DTNBP1: variants seen among roughly 807,000 people sequenced by gnomAD.
The protein encoded by DTNBP1 is dystrobrevin binding protein 1.
A neutral mutation model predicts 42.8 loss-of-function variants in DTNBP1; 35 were observed. The ratio of observed to expected loss-of-function variants is 0.82; its 90% CI spans 0.63 to 1.09. The LOEUF (loss-of-function observed/expected upper bound fraction) is 1.09. Ranked by LOEUF, DTNBP1 falls within the 50% of genes least tolerant of loss-of-function variation. The pLI, the probability that DTNBP1 is intolerant of heterozygous loss-of-function variation, is 0.00. For missense variants in DTNBP1, 457 were observed against 424.2 expected (o/e 1.08, Z -0.68); for synonymous variants, 171 against 162.2 (o/e 1.05, Z -0.41).
At chr6:15,526,508 A>C (rs945196090) in intron 8 of DTNBP1, among the ~76,000 whole-genome samples, 1 of 152,136 alleles carries the variant, frequency 6.6e-6, no homozygotes, top group African/African-American at 2.4e-5. Context: ...AGTTGGGGAA[A>C]AGTATTATGG....
chr6:15,574,329 A>T (rs1775472576), intron 7 of DTNBP1, among the ~76,000 whole-genome samples: 1 of 152,214 alleles, frequency 6.6e-6, no homozygotes, highest in Admixed American at 6.5e-5. Flanking sequence ...CAGCAAGAAC[A>T]GTAAACACAA....
At chr6:15,529,091 C>T (rs917943163) in intron 8 of DTNBP1, among the ~76,000 whole-genome samples, 1 of 152,196 alleles carries the variant, frequency 6.6e-6, no homozygotes, top group Non-Finnish European at 1.5e-5. Flanking sequence ...TCGAGACCAG[C>T]CTGGGCCACA....
intron 5 of DTNBP1, among the ~76,000 whole-genome samples, chr6:15,621,330 T>C (rs1415302452): frequency 1.3e-5 from 2 of 152,232 alleles, no homozygotes; most frequent in East Asian, 3.8e-4. Flanking sequence ...TCTAGCTCTG[T>C]TGGTTGACTA....
Position 15,524,519 on chromosome 6 carries a change from A to C in DTNBP1, c.811+7T>G. 1 of 1,607,740 alleles carries C rather than the reference A, an allele frequency of 6.2e-7. No homozygotes were observed. Among genetic ancestry groups the C allele is most frequent in the Non-Finnish European group, 8.5e-7 (1 of 1,175,606 alleles). Reference sequence around the variant, plus strand: ...TGGTTCAGCTAATGCAAGTTTGTCAACCCTACCTAAGGCGGGGGACAGCAC... The same window carrying C: ...TGGTTCAGCTAATGCAAGTTTGTCACCCCTACCTAAGGCGGGGGACAGCAC... On this transcript the variant is annotated splice_region_variant and intron_variant, in intron 9 of 9. Coordinates refer to ENST00000344537, the MANE Select transcript of DTNBP1 (RefSeq NM_032122.5).
At chr6:15,614,991 G>A (rs1758634480) in intron 6 of DTNBP1, 1 of 518,476 alleles carries the variant, frequency 1.9e-6, no homozygotes, top group Non-Finnish European at 3.6e-6. Context: ...AACTAGCTCA[G>A]GGCTCCTATT....
chr6:15,550,777 G>A (rs1040669172), intron 7 of DTNBP1, among the ~76,000 whole-genome samples: 1 of 152,220 alleles, frequency 6.6e-6, no homozygotes, highest in Non-Finnish European at 1.5e-5. Context: ...AGATGGGGAT[G>A]AGAGGCAGAT....
intron 1 of DTNBP1, among the ~76,000 whole-genome samples, chr6:15,656,869 T>C (rs994471113): frequency 1.3e-5 from 2 of 152,238 alleles, no homozygotes; most frequent in African/African-American, 4.8e-5. Context: ...TTCATTTACT[T>C]GTAACTCAAT....
In DTNBP1 at chr6:15,615,396, T is replaced by C. The variant is rs376554858; in HGVS notation, c.359A>G (p.His120Arg). ...TACCTCCTCAAAACTCGCCTCTAAA[T>C]GAGCTGAAAGTATATAAAAATAAAC... ...DLESMTANLT[H>R]LEASFEEVEN... The change falls in exon 6 of 10, where the codon CAT (histidine) becomes CGT (arginine). Residue 120 changes from histidine to arginine, a missense_variant. Physicochemically the swap from His to Arg is conservative, Grantham distance 29. Transcript: ENST00000344537. 6.2e-7 allele frequency: 1 copy of C among 1,613,950 alleles called. No individual in the cohort carries two copies. Among genetic ancestry groups the C allele is most frequent in the African/African-American group, 1.3e-5 (1 of 75,042 alleles).
intron 7 of DTNBP1, among the ~76,000 whole-genome samples, chr6:15,542,279 C>T (rs1201473663): frequency 4.6e-5 from 7 of 152,164 alleles, no homozygotes; most frequent in Non-Finnish European, 1.0e-4. Context: ...AAAACAATTG[C>T]CAACAGTCTG....
At chr6:15,588,443 CT>C (rs1371706434) in intron 7 of DTNBP1, among the ~76,000 whole-genome samples, 2 of 152,204 alleles carry the variant, frequency 1.3e-5, no homozygotes, top group East Asian at 1.9e-4. Flanking sequence ...TCATGCACCC[CT>C]GACATATGCA....
At chr6:15,571,939 A>T (rs1458209272) in intron 7 of DTNBP1, among the ~76,000 whole-genome samples, 1 of 152,192 alleles carries the variant, frequency 6.6e-6, no homozygotes. Context: ...ACTGTTTCTG[A>T]AACCACAGTT....
chr6:15,537,693 T>G (rs1000349864), intron 7 of DTNBP1, among the ~76,000 whole-genome samples: 1 of 152,172 alleles, frequency 6.6e-6, no homozygotes, highest in Non-Finnish European at 1.5e-5. Flanking sequence ...TCACGAGATC[T>G]GACGGTTTTG....
chr6:15,661,058 A>C (rs1761583811), intron 1 of DTNBP1, among the ~76,000 whole-genome samples: 1 of 152,208 alleles, frequency 6.6e-6, no homozygotes, highest in South Asian at 2.1e-4. Flanking sequence ...CTTTCTAAAC[A>C]CCAAACTAAC....
intron 7 of DTNBP1, among the ~76,000 whole-genome samples, chr6:15,569,850 A>C (rs1775267569): frequency 6.6e-6 from 1 of 152,136 alleles, no homozygotes; most frequent in African/African-American, 2.4e-5. Context: ...CACGTCAGGT[A>C]GTCCCTGCCC....
At chr6:15,584,254 GATGA>G (rs748408336) in intron 7 of DTNBP1, among the ~76,000 whole-genome samples, 17 of 152,082 alleles carry the variant, frequency 1.1e-4, no homozygotes, top group African/African-American at 2.2e-4. Flanking sequence ...CAATTTCTTA[GATGA>G]ATGATCTAAA....
chr6:15,532,891 G>A (rs964962026), intron 8 of DTNBP1, among the ~76,000 whole-genome samples: 1 of 151,640 alleles, frequency 6.6e-6, no homozygotes, highest in Non-Finnish European at 1.5e-5. Context: ...TAGAGATGAG[G>A]TTTCACCATG....
chr6:15,601,681 TA>T (rs553025129), intron 6 of DTNBP1, among the ~76,000 whole-genome samples: 517 of 140,616 alleles, frequency 3.7e-3, no homozygotes, highest in Admixed American at 5.5e-3. Context: ...CCGTCTCTAC[TA>T]AAAAAAAAAA....
chr6:15,652,688 T>C (rs1761077425), intron 1 of DTNBP1, among the ~76,000 whole-genome samples: 1 of 152,138 alleles, frequency 6.6e-6, no homozygotes, highest in Admixed American at 6.5e-5. Context: ...AGTATAGTGG[T>C]GCGATTGTAG....
intron 8 of DTNBP1, among the ~76,000 whole-genome samples, chr6:15,527,409 C>T (rs1180883182): frequency 6.6e-6 from 1 of 152,158 alleles, no homozygotes; most frequent in African/African-American, 2.4e-5. Flanking sequence ...TTTCACACAT[C>T]TAATTATTTT....
Sources: allele counts gnomAD v4.1 joint callset (sites outside exome capture counted in the v4.1 genomes callset), GRCh38; gene constraint gnomAD v4.1.1; transcripts MANE v1.5; gene names NCBI Gene and HGNC (gene_info 2026-07-23, HGNC 2026-07-21).